ADK: variants seen among roughly 807,000 people sequenced by gnomAD.
ADK encodes adenosine kinase, also known as N6,N6-dimethyladenosine kinase.
ADK carries 24 observed loss-of-function variants against 44.7 expected under a neutral mutation model. That is an observed-to-expected ratio of 0.54 (90% confidence interval 0.39 to 0.76). The LOEUF (loss-of-function observed/expected upper bound fraction) is 0.76, where lower values mean the gene tolerates loss of function less well. ADK is among the 30% of genes least tolerant of loss of function. The pLI, the probability that ADK is intolerant of heterozygous loss-of-function variation, is 0.00. For synonymous variants in ADK, 128 were observed against 142.6 expected, an observed-to-expected ratio of 0.90 and a Z score of 0.73; for missense variants, 321 against 425.1, an observed-to-expected ratio of 0.76 and a Z score of 2.15.
rs571382148 is a variant in ADK at position 74,291,156 on chromosome 10, G to A, written c.195-23511G>A. Among the ~76,000 whole-genome samples the A allele has an allele frequency of 4.7e-4, 72 of 152,250 alleles. No homozygotes were observed. The South Asian group carries it at 0.014, about 29-fold the overall frequency. ...AAAGAGGCTGGGTGCGGTGGCTCACGCCTGTAATCCAGCACTTTGGGAGGC... is the reference window on the plus strand; with the variant it reads ...AAAGAGGCTGGGTGCGGTGGCTCACACCTGTAATCCAGCACTTTGGGAGGC... On this transcript the variant is annotated intron_variant, in intron 3 of 10. Coordinates refer to ENST00000539909, the MANE Select transcript of ADK (RefSeq NM_006721.4).
At chr10:74,620,642 G>C (rs932196440) in intron 9 of ADK, among the ~76,000 whole-genome samples, 2 of 152,092 alleles carry the variant, frequency 1.3e-5, no homozygotes, top group African/African-American at 4.8e-5. Context: ...CCAATAGTGG[G>C]ATTGCTGGAT....
At chr10:74,435,364 T>A (rs1174287585) in intron 6 of ADK, among the ~76,000 whole-genome samples, 1 of 152,178 alleles carries the variant, frequency 6.6e-6, no homozygotes, top group African/African-American at 2.4e-5. Context: ...TTGGTATAAT[T>A]CATCCGCCTT....
At chr10:74,569,524 C>T (rs1850848147) in intron 7 of ADK, among the ~76,000 whole-genome samples, 1 of 152,166 alleles carries the variant, frequency 6.6e-6, no homozygotes, top group South Asian at 2.1e-4. Context: ...TCTCTGATGG[C>T]CAATGATGAT....
At chr10:74,489,376 A>G (rs1847385726) in intron 6 of ADK, among the ~76,000 whole-genome samples, 1 of 152,026 alleles carries the variant, frequency 6.6e-6, no homozygotes, top group African/African-American at 2.4e-5. Context: ...TAGTTTGGAT[A>G]GAACATAGAG....
At chr10:74,450,602 A>C (rs770342683) in intron 6 of ADK, among the ~76,000 whole-genome samples, 4 of 152,240 alleles carry the variant, frequency 2.6e-5, no homozygotes, top group Non-Finnish European at 5.9e-5. Context: ...CATTTAATTG[A>C]ATAAGGAACA....
chr10:74,493,387 C>A (rs775242071), intron 6 of ADK, among the ~76,000 whole-genome samples: 38 of 148,872 alleles, frequency 2.6e-4, no homozygotes, highest in African/African-American at 3.3e-4. Context: ...ATATGTATAT[C>A]CACACATACA....
intron 4 of ADK, among the ~76,000 whole-genome samples, chr10:74,329,848 C>G (rs1328645250): frequency 1.3e-5 from 2 of 152,010 alleles, no homozygotes; most frequent in African/African-American, 4.8e-5. Context: ...TTAAATAGAT[C>G]AGATAAATTT....
At chr10:74,612,459 G>C (rs1852593190) in intron 9 of ADK, among the ~76,000 whole-genome samples, 1 of 151,928 alleles carries the variant, frequency 6.6e-6, no homozygotes, top group African/African-American at 2.4e-5. Context: ...CATGTCCCTT[G>C]CCTACTTTTT....
chr10:74,586,282 G>C (rs1267761631), intron 7 of ADK, among the ~76,000 whole-genome samples: 1 of 152,150 alleles, frequency 6.6e-6, no homozygotes, highest in Non-Finnish European at 1.5e-5. Flanking sequence ...CAGAAGATAA[G>C]ATCATTTTAA....
At chr10:74,513,259 T>C (rs746454642) in intron 6 of ADK, among the ~76,000 whole-genome samples, 1 of 152,150 alleles carries the variant, frequency 6.6e-6, no homozygotes, top group Non-Finnish European at 1.5e-5. Flanking sequence ...TCTATAAATA[T>C]CTGTTGTATT....
intron 10 of ADK, among the ~76,000 whole-genome samples, chr10:74,685,632 T>C (rs1162964031): frequency 6.6e-6 from 1 of 152,198 alleles, no homozygotes; most frequent in South Asian, 2.1e-4. Flanking sequence ...CATATTAAGG[T>C]ATTCAAAAAC....
chr10:74,515,509 G>A (rs539853551), intron 6 of ADK, among the ~76,000 whole-genome samples: 9 of 152,326 alleles, frequency 5.9e-5, no homozygotes, highest in African/African-American at 2.2e-4. Context: ...GGTCGGGGAC[G>A]TGGGCTTTTG....
At chr10:74,589,998 T>A (rs1851661696) in intron 8 of ADK, among the ~76,000 whole-genome samples, 1 of 152,206 alleles carries the variant, frequency 6.6e-6, no homozygotes, top group Non-Finnish European at 1.5e-5. Context: ...CTGTCAAGAT[T>A]CAAAACTCCA....
At chr10:74,605,884 G>T (rs1473475146) in intron 9 of ADK, among the ~76,000 whole-genome samples, 4 of 151,902 alleles carry the variant, frequency 2.6e-5, no homozygotes, top group African/African-American at 9.7e-5. Context: ...GGCTTTTTTT[G>T]GTTGATAGGC....
At chr10:74,196,928 G>C (rs555535524) in intron 1 of ADK, among the ~76,000 whole-genome samples, 2 of 152,182 alleles carry the variant, frequency 1.3e-5, no homozygotes, top group African/African-American at 2.4e-5. Context: ...GTTTCTTTCA[G>C]TTTTCGCACT....
At chr10:74,176,713 C>T in intron 1 of ADK, 2 of 1,473,110 alleles carry the variant, frequency 1.4e-6, no homozygotes, top group Admixed American at 2.2e-5. Flanking sequence ...GCACGCCGGG[C>T]CGGCTAGCCA....
intron 6 of ADK, among the ~76,000 whole-genome samples, chr10:74,503,174 A>G (rs896785243): frequency 7.2e-5 from 11 of 152,178 alleles, no homozygotes; most frequent in Admixed American, 5.9e-4. Flanking sequence ...CTGCAAACCT[A>G]AAATATTTAT....
intron 6 of ADK, among the ~76,000 whole-genome samples, chr10:74,480,276 G>T (rs1224078742): frequency 1.3e-5 from 2 of 149,886 alleles, no homozygotes; most frequent in African/African-American, 2.5e-5. Flanking sequence ...ACCCAGGCTG[G>T]AGTGCAGTGT....
intron 3 of ADK, among the ~76,000 whole-genome samples, chr10:74,271,325 A>C (rs894219094): frequency 1.3e-5 from 2 of 152,002 alleles, no homozygotes; most frequent in South Asian, 2.1e-4. Context: ...CATTTAACTT[A>C]TTTACATTTT....
Sources: gnomAD v4.1 joint callset for allele counts (sites outside exome capture counted in the v4.1 genomes callset) on GRCh38, gnomAD v4.1.1 for gene constraint, MANE v1.5 for transcripts, NCBI Gene and HGNC (gene_info 2026-07-23, HGNC 2026-07-21) for gene names.